The following EDIL3 variants were observed in gnomAD, a reference collection of about 807,000 sequenced individuals.
The protein encoded by EDIL3 is EGF like and discoidin domains 3.
In EDIL3, 37 loss-of-function variants were observed where a neutral mutation model predicts 67.4. The ratio of observed to expected loss-of-function variants is 0.55; its 90% CI spans 0.42 to 0.72. The LOEUF is 0.72. EDIL3 is among the 30% of genes least tolerant of loss of function. The pLI is 0.00. For missense variants in EDIL3, 527 were observed against 586.3 expected, an observed-to-expected ratio of 0.90 and a Z score of 1.04; for synonymous variants, 195 against 196.3, an observed-to-expected ratio of 0.99 and a Z score of 0.05.
At chr5:84,196,796 C>T (rs933059430) in intron 3 of EDIL3, 2 of 151,956 alleles carry the variant, frequency 1.3e-5, no homozygotes, top group Non-Finnish European at 2.9e-5. Context: ...TAAGAAAATG[C>T]TTTTATACCA....
At chr5:84,338,131 A>T (rs1390595347) in intron 1 of EDIL3, among the ~76,000 whole-genome samples, 1 of 152,110 alleles carries the variant, frequency 6.6e-6, no homozygotes, top group Non-Finnish European at 1.5e-5. Context: ...AATACTCTTT[A>T]CTAATACTAA....
At chr5:84,035,641 C>T (rs1328322473) in intron 9 of EDIL3, among the ~76,000 whole-genome samples, 2 of 152,072 alleles carry the variant, frequency 1.3e-5, no homozygotes, top group African/African-American at 4.8e-5. Context: ...AGAAACTAAA[C>T]TTCTTTCAGT....
intron 9 of EDIL3, among the ~76,000 whole-genome samples, chr5:83,975,941 C>G (rs536562517): frequency 6.6e-5 from 10 of 151,964 alleles, no homozygotes; most frequent in African/African-American, 2.2e-4. Context: ...TTTTGACATG[C>G]CTTTCCAATT....
At chr5:83,984,313 A>G (rs886206194) in intron 9 of EDIL3, among the ~76,000 whole-genome samples, 1 of 152,094 alleles carries the variant, frequency 6.6e-6, no homozygotes. Context: ...ATATCTGGCA[A>G]AAAACAACAG....
intron 1 of EDIL3, among the ~76,000 whole-genome samples, chr5:84,256,113 C>CTAACT (rs1236030182): frequency 2.1e-5 from 2 of 96,662 alleles, no homozygotes; most frequent in Non-Finnish European, 4.1e-5. Context: ...ATATACTTAT[C>CTAACT]ATCTAACTAT....
At chr5:84,341,309 T>G (rs930495559) in intron 1 of EDIL3, among the ~76,000 whole-genome samples, 1 of 152,056 alleles carries the variant, frequency 6.6e-6, no homozygotes, top group Non-Finnish European at 1.5e-5. Context: ...TGTGCAATGT[T>G]CTAGACTAGG....
chr5:84,122,201 T>A (rs1747787875), intron 5 of EDIL3, among the ~76,000 whole-genome samples: 1 of 151,924 alleles, frequency 6.6e-6, no homozygotes, highest in Admixed American at 6.6e-5. Context: ...CTTGTTTAGG[T>A]GGACTGTCCA....
At chr5:84,199,907 G>A (rs893913886) in intron 3 of EDIL3, among the ~76,000 whole-genome samples, 1 of 151,930 alleles carries the variant, frequency 6.6e-6, no homozygotes, top group African/African-American at 2.4e-5. Flanking sequence ...AGTTAGCAAG[G>A]GCTTATAGCC....
chr5:84,061,041 T>C (rs1746533563), intron 8 of EDIL3, among the ~76,000 whole-genome samples: 1 of 152,144 alleles, frequency 6.6e-6, no homozygotes, highest in Non-Finnish European at 1.5e-5. Context: ...AGCACCAACA[T>C]GGCTTCTTCT....
chr5:84,274,518 A>T (rs1272035644), intron 1 of EDIL3, among the ~76,000 whole-genome samples: 1 of 152,188 alleles, frequency 6.6e-6, no homozygotes, highest in Non-Finnish European at 1.5e-5. Context: ...TAGTTGAAAA[A>T]ATGCTTTATG....
intron 3 of EDIL3, among the ~76,000 whole-genome samples, chr5:84,229,333 T>A (rs1450852646): frequency 1.3e-5 from 2 of 152,144 alleles, no homozygotes; most frequent in Non-Finnish European, 2.9e-5. Flanking sequence ...AGTTGCAGGA[T>A]TATTAAATTA....
At chr5:84,014,625 C>G (rs968096470) in intron 9 of EDIL3, among the ~76,000 whole-genome samples, 1 of 152,196 alleles carries the variant, frequency 6.6e-6, no homozygotes, top group South Asian at 2.1e-4. Context: ...AGCCTGGAGA[C>G]AGAGCGAGAC....
rs191451077 is a variant in EDIL3 at position 84,201,485 on chromosome 5, G to A, written c.227-20964C>T. ...TGGTAGCTCATGTACCATACTTAGA[G>A]ACTTCATCTGTTTTTCTGGGTCAGA... is the stretch of plus-strand genomic sequence containing the variant. On this transcript the variant is annotated intron_variant, in intron 3 of 10. Coordinates refer to ENST00000296591, the MANE Select transcript of EDIL3 (RefSeq NM_005711.5). 2.4e-4 allele frequency among the ~76,000 whole-genome samples: 36 copies of A among 152,162 alleles called. No homozygotes were observed. The East Asian group carries it at 5.0e-3, about 21-fold the overall frequency.
At chr5:84,371,341 A>ATATATATATATATATATATGTGTG (rs1008172581) in intron 1 of EDIL3, among the ~76,000 whole-genome samples, 92 of 129,682 alleles carry the variant, frequency 7.1e-4, no homozygotes, top group African/African-American at 2.4e-3. Context: ...ATATATATAT[A>ATATATATATATATATATATGTGTG]TGTGTGTGTG....
intron 1 of EDIL3, among the ~76,000 whole-genome samples, chr5:84,332,666 T>C (rs996004749): frequency 6.6e-6 from 1 of 152,186 alleles, no homozygotes; most frequent in Non-Finnish European, 1.5e-5. Flanking sequence ...TATTTGTCAT[T>C]ATGCTGGCAG....
chr5:84,241,335 G>A (rs1183117131), intron 2 of EDIL3, among the ~76,000 whole-genome samples: 11 of 152,014 alleles, frequency 7.2e-5, no homozygotes, highest in Non-Finnish European at 1.6e-4. Flanking sequence ...AAAGCTTATT[G>A]TTGATCTATC....
chr5:84,252,045 T>C (rs1481247986), intron 2 of EDIL3, among the ~76,000 whole-genome samples: 3 of 152,152 alleles, frequency 2.0e-5, no homozygotes, highest in East Asian at 1.9e-4. Flanking sequence ...TCTATAAGCG[T>C]TTAATTTCCC....
chr5:84,037,988 GTTT>G (rs67762520), intron 9 of EDIL3, among the ~76,000 whole-genome samples: 11 of 99,748 alleles, frequency 1.1e-4, no homozygotes, highest in South Asian at 3.3e-4. Flanking sequence ...TTTCTTTCTT[GTTT>G]TTTTTTTTTT....
At chr5:84,035,487 G>T (rs978285055) in intron 9 of EDIL3, among the ~76,000 whole-genome samples, 1 of 152,058 alleles carries the variant, frequency 6.6e-6, no homozygotes, top group African/African-American at 2.4e-5. Flanking sequence ...ATAGTTATGT[G>T]AATATTTCTT....
Sources: gnomAD v4.1 joint callset for allele counts (sites outside exome capture counted in the v4.1 genomes callset) on GRCh38, gnomAD v4.1.1 for gene constraint, MANE v1.5 for transcripts, NCBI Gene and HGNC (gene_info 2026-07-23, HGNC 2026-07-21) for gene names.